The following GYPE variants were observed in gnomAD, a reference collection of about 807,000 sequenced individuals.
GYPE encodes the protein glycophorin-E.
A neutral mutation model predicts 11.6 loss-of-function variants in GYPE; 8 were observed. That is an observed-to-expected ratio of 0.69 (90% CI 0.41 to 1.25). GYPE has a LOEUF of 1.25. GYPE is among the 50% of genes most tolerant of loss of function. The pLI is 0.01. For synonymous variants in GYPE, 28 were observed against 29.6 expected, an observed-to-expected ratio of 0.94 and a Z score of 0.18; for missense variants, 90 against 92.8, an observed-to-expected ratio of 0.97 and a Z score of 0.12.
intron 1 of GYPE, among the ~76,000 whole-genome samples, chr4:143,900,919 AT>A (rs1744841794): frequency 6.6e-6 from 1 of 152,134 alleles, no homozygotes; most frequent in South Asian, 2.1e-4. Context: ...GGTGTGCATC[AT>A]TTTGAATGCA....
chr4:143,889,325 G>C (rs1245314339), intron 1 of GYPE, among the ~76,000 whole-genome samples: 1 of 152,048 alleles, frequency 6.6e-6, no homozygotes, highest in Non-Finnish European at 1.5e-5. Context: ...ATTCCAGCCA[G>C]TGCACATTCT....
At chr4:143,876,448 A>C (rs1743811406) in intron 3 of GYPE, among the ~76,000 whole-genome samples, 1 of 152,214 alleles carries the variant, frequency 6.6e-6, no homozygotes, top group Admixed American at 6.5e-5. Context: ...TATAAGTAGC[A>C]TCTTAATATT....
At chr4:143,879,210 T>C (rs1012648635) in intron 2 of GYPE, among the ~76,000 whole-genome samples, 2 of 152,294 alleles carry the variant, frequency 1.3e-5, no homozygotes, top group African/African-American at 4.8e-5. Context: ...TATGGTTGCC[T>C]TACTGTTCCA....
chr4:143,876,538 A>G (rs939947341), intron 3 of GYPE, among the ~76,000 whole-genome samples: 2 of 152,170 alleles, frequency 1.3e-5, no homozygotes, highest in African/African-American at 4.8e-5. Flanking sequence ...TGGGGGACAG[A>G]TTTATATTTA....
At chr4:143,879,083 G>A (rs533464712) in intron 2 of GYPE, among the ~76,000 whole-genome samples, 3 of 152,200 alleles carry the variant, frequency 2.0e-5, no homozygotes, top group African/African-American at 4.8e-5. Flanking sequence ...GGGATCATGC[G>A]GCCATCAATT....
chr4:143,884,014 G>T (rs1371437809), intron 1 of GYPE, among the ~76,000 whole-genome samples: 1 of 151,468 alleles, frequency 6.6e-6, no homozygotes, highest in African/African-American at 2.4e-5. Context: ...CTATGGGAGG[G>T]TGCTGCAATT....
intron 1 of GYPE, among the ~76,000 whole-genome samples, chr4:143,881,482 A>G (rs1744021346): frequency 6.6e-6 from 1 of 152,148 alleles, no homozygotes; most frequent in Non-Finnish European, 1.5e-5. Context: ...AACATTTGAC[A>G]CATTTTGATA....
chr4:143,876,263 A>C (rs769485187), intron 3 of GYPE, among the ~76,000 whole-genome samples: 7 of 152,040 alleles, frequency 4.6e-5, no homozygotes, highest in Non-Finnish European at 2.9e-5. Context: ...ACACGTGTGC[A>C]CCACCACGCC....
In GYPE at chr4:143,871,291, T is replaced by C. The variant is rs926365707; in HGVS notation, c.*971A>G. On this transcript the variant is annotated 3_prime_UTR_variant, in exon 4 of 4. Transcript: ENST00000358615. Reference sequence around the variant, plus strand: ...TACCTTCAAGGAACCTAAATCCTGGTGTTTTTATGGTTACGGGTGGCATAT... The same window carrying C: ...TACCTTCAAGGAACCTAAATCCTGGCGTTTTTATGGTTACGGGTGGCATAT... 5.9e-5 allele frequency: 9 copies of C among 152,230 alleles called. No homozygotes were observed. Among genetic ancestry groups the C allele is most frequent in the Admixed American group, 3.3e-4 (5 of 15,284 alleles). The allele number at this position is 152,230 out of a possible 1,614,324, so 9.4% of individuals were successfully genotyped here. A position where few individuals can be genotyped will look rare whatever the true frequency, so the allele number is the denominator to read the frequency against.
chr4:143,891,827 G>A (rs529260509), intron 1 of GYPE, among the ~76,000 whole-genome samples: 16 of 152,196 alleles, frequency 1.1e-4, no homozygotes, highest in Admixed American at 3.9e-4. Flanking sequence ...TCAAGATGGT[G>A]CATTCCTCTA....
At chr4:143,894,647 C>G (rs1226843654) in intron 1 of GYPE, among the ~76,000 whole-genome samples, 8 of 152,168 alleles carry the variant, frequency 5.3e-5, no homozygotes, top group African/African-American at 1.9e-4. Flanking sequence ...CTCCCTAACT[C>G]ATTTTATGAG....
intron 1 of GYPE, among the ~76,000 whole-genome samples, chr4:143,904,146 T>C (rs1474043542): frequency 6.6e-6 from 1 of 152,068 alleles, no homozygotes; most frequent in Non-Finnish European, 1.5e-5. Flanking sequence ...TTTTCTTTTC[T>C]CTCTGACTTT....
intron 1 of GYPE, among the ~76,000 whole-genome samples, chr4:143,888,041 C>A (rs199992373): frequency 1.9e-4 from 6 of 32,398 alleles, no homozygotes; most frequent in Non-Finnish European, 5.3e-4. Context: ...TGTCTCTTAT[C>A]CCCATGTGTT....
At chr4:143,897,174 A>C (rs570165129) in intron 1 of GYPE, among the ~76,000 whole-genome samples, 1 of 152,084 alleles carries the variant, frequency 6.6e-6, no homozygotes, top group Non-Finnish European at 1.5e-5. Flanking sequence ...AAAAAAAATT[A>C]AGTTGTATTC....
At chr4:143,904,352 A>G (rs1046980806) in intron 1 of GYPE, among the ~76,000 whole-genome samples, 4 of 152,122 alleles carry the variant, frequency 2.6e-5, no homozygotes, top group Non-Finnish European at 4.4e-5. Context: ...ATTTTGTTTA[A>G]TCTTTACGCA....
chr4:143,878,150 T>C (rs1037297140), intron 2 of GYPE, among the ~76,000 whole-genome samples: 1 of 152,124 alleles, frequency 6.6e-6, no homozygotes, highest in African/African-American at 2.4e-5. Context: ...GTATTTGTTT[T>C]TGAGACATGG....
chr4:143,899,711 A>G (rs1744789828), intron 1 of GYPE, among the ~76,000 whole-genome samples: 2 of 144,120 alleles, frequency 1.4e-5, no homozygotes, highest in Admixed American at 1.4e-4. Flanking sequence ...AGACCATTCA[A>G]TGGGCAAAGG....
At chr4:143,895,208 G>A (rs1324753488) in intron 1 of GYPE, among the ~76,000 whole-genome samples, 2 of 152,182 alleles carry the variant, frequency 1.3e-5, no homozygotes, top group African/African-American at 4.8e-5. Context: ...AAAAGAGGAA[G>A]TCAAATTGTC....
At chr4:143,874,605 G>A (rs2149903208) in intron 3 of GYPE, among the ~76,000 whole-genome samples, 1 of 152,320 alleles carries the variant, frequency 6.6e-6, no homozygotes, top group South Asian at 2.1e-4. Context: ...TAGGATGGGA[G>A]AAAAGAGACC....
Sources: gnomAD v4.1 joint callset for allele counts (sites outside exome capture counted in the v4.1 genomes callset) on GRCh38, gnomAD v4.1.1 for gene constraint, MANE v1.5 for transcripts, NCBI Gene and HGNC (gene_info 2026-07-23, HGNC 2026-07-21) for gene names.